The following NUTM2E variants were observed in gnomAD, a reference collection of about 807,000 sequenced individuals.
NUTM2E encodes family with sequence similarity 22, member E.
In NUTM2E, 3 loss-of-function variants were observed where a neutral mutation model predicts 26.1. The ratio of observed to expected loss-of-function variants is 0.12; its 90% CI spans 0.05 to 0.30. The LOEUF is 0.30. Ranked by LOEUF, NUTM2E falls within the 10% of genes least tolerant of loss-of-function variation. The pLI is 1.00. For missense variants in NUTM2E, 62 were observed against 381.3 expected (o/e 0.16, Z 6.97); for synonymous variants, 13 against 157.5 (o/e 0.08, Z 6.87).
At chr10:79,835,288 A>G (rs1432187305) in intron 1 of NUTM2E, among the ~76,000 whole-genome samples, 1 of 151,338 alleles carries the variant, frequency 6.6e-6, no homozygotes, top group Non-Finnish European at 1.5e-5. Flanking sequence ...TAGTCTCCTC[A>G]ATTATAAAAC....
At chr10:79,828,239 CTA>C (rs1461330893) in intron 1 of NUTM2E, among the ~76,000 whole-genome samples, 22 of 151,792 alleles carry the variant, frequency 1.4e-4, no homozygotes, top group African/African-American at 5.3e-4. Flanking sequence ...TTTCAGATGA[CTA>C]TGTGTGTGAA....
chr10:79,831,032 C>G (rs1841924398), intron 1 of NUTM2E, among the ~76,000 whole-genome samples: 1 of 151,706 alleles, frequency 6.6e-6, no homozygotes, highest in Non-Finnish European at 1.5e-5. Context: ...CTCTTTTGAC[C>G]TAGAGTTTTT....
intron 1 of NUTM2E, among the ~76,000 whole-genome samples, chr10:79,834,842 AC>A: frequency 1.3e-5 from 2 of 150,758 alleles, no homozygotes; most frequent in Admixed American, 6.6e-5. Flanking sequence ...ACACACACAC[AC>A]AAACACACAA....
Position 79,840,721 on chromosome 10 carries a change from C to T in NUTM2E, c.-1020C>T, listed in dbSNP as rs530630055. ...GAAAGGGCAAATGCTTCGTAAGTGC[C>T]GACAGGGTGTGTTTCAGTGAATGTT... On this transcript the variant is annotated 5_prime_UTR_variant, in exon 4 of 10. An upstream open reading frame in the 5' UTR gains an earlier in-frame stop. Coordinates refer to ENST00000429984, the MANE Select transcript of NUTM2E (RefSeq NM_001355263.2). 2.5e-4 allele frequency among the ~76,000 whole-genome samples: 38 copies of T among 150,780 alleles called. No homozygotes were observed. The highest frequency in any genetic ancestry group is 3.4e-4 in the Non-Finnish European group (23 of 67,688).
Position 79,826,757 on chromosome 10 carries a change from C to T in NUTM2E, c.-3328C>T, listed in dbSNP as rs1045087. 6.4e-6 allele frequency: 1 copy of T among 155,172 alleles called. No individual in the cohort carries two copies. The highest frequency in any genetic ancestry group is 1.9e-4 in the East Asian group (1 of 5,152). The allele number at this position is 155,172 out of a possible 1,614,324, so 9.6% of individuals were successfully genotyped here. A position where few individuals can be genotyped will look rare whatever the true frequency, so the allele number is the denominator to read the frequency against. On this transcript the variant is annotated 5_prime_UTR_variant, in exon 1 of 10. Transcript: ENST00000429984. Reference sequence around the variant, plus strand: ...AAGCCGCGAGAAGGCCAGCGTCCCTCGCTGGGAGCAGAGCTAGCCGAGTAG... The same window carrying T: ...AAGCCGCGAGAAGGCCAGCGTCCCTTGCTGGGAGCAGAGCTAGCCGAGTAG...
intron 1 of NUTM2E, among the ~76,000 whole-genome samples, chr10:79,834,137 C>T (rs1841945552): frequency 6.6e-6 from 1 of 151,352 alleles, no homozygotes; most frequent in South Asian, 2.1e-4. Flanking sequence ...CACATGTTCT[C>T]ACTCAGAAGT....
rs1312918151 is a variant in NUTM2E at position 79,845,337 on chromosome 10, C to G, written c.1082+465C>G. Among the ~76,000 whole-genome samples the G allele has an allele frequency of 4.4e-5, 5 of 113,802 alleles. 1 individual carries two copies. Among genetic ancestry groups the G allele is most frequent in the African/African-American group, 1.4e-4 (5 of 35,802 alleles). The allele number at this position is 113,802 out of a possible 152,430, so 74.7% of individuals were successfully genotyped here. ...TTCCGCTGAGGTCCAGTTAGCACAG[C>G]GGTGGTGGAGCCTGCACAGGGGGAT... On this transcript the variant is annotated intron_variant, in intron 5 of 9. Transcript: ENST00000429984.
Position 79,845,392 on chromosome 10 carries a change from C to T in NUTM2E, c.1082+520C>T, listed in dbSNP as rs1299248513. On this transcript the variant is annotated intron_variant, in intron 5 of 9. Coordinates refer to ENST00000429984, the MANE Select transcript of NUTM2E (RefSeq NM_001355263.2). Reference sequence around the variant, plus strand: ...TCGGGCCCTGCACTGGGGCCGATGCCGGGCAGGTATTTGCATCTTCACCCT... The same window carrying T: ...TCGGGCCCTGCACTGGGGCCGATGCTGGGCAGGTATTTGCATCTTCACCCT... Among the ~76,000 whole-genome samples, 5 of 112,862 alleles carry T rather than the reference C, an allele frequency of 4.4e-5. 1 individual carries two copies. Among genetic ancestry groups the T allele is most frequent in the South Asian group, 4.9e-4 (2 of 4,072 alleles). The allele number at this position is 112,862 out of a possible 152,430, so 74.0% of individuals were successfully genotyped here. A position where few individuals can be genotyped will look rare whatever the true frequency, so the allele number is the denominator to read the frequency against.
chr10:79,829,733 C>T (rs71475344), intron 1 of NUTM2E, among the ~76,000 whole-genome samples: 4,221 of 151,448 alleles, frequency 0.028, 129 homozygotes, highest in Non-Finnish European at 0.042. Flanking sequence ...AATCTGACAC[C>T]CTAGGTCTCA....
chr10:79,829,210 G>A (rs1375725664), intron 1 of NUTM2E, among the ~76,000 whole-genome samples: 1 of 151,700 alleles, frequency 6.6e-6, no homozygotes, highest in African/African-American at 2.4e-5. Context: ...TGGGACAGGG[G>A]TGATATACTA....
At position 79,830,713 on chromosome 10, in the gene NUTM2E, AAAG is replaced by A. The variant is rs896741141; in HGVS notation, c.-2728+3359_-2728+3361del. On this transcript the variant is annotated intron_variant, in intron 1 of 9. Coordinates refer to ENST00000429984, the MANE Select transcript of NUTM2E (RefSeq NM_001355263.2). ...TAATCAAATTAGCAAAATACAAAAA[AAAG>A]AACATTTCACATGAACATCTTAATT... Among the ~76,000 whole-genome samples the A allele has an allele frequency of 7.9e-5, 12 of 151,818 alleles. 1 individual carries two copies. The highest frequency in any genetic ancestry group is 1.9e-4 in the African/African-American group (8 of 41,398).
At chr10:79,830,716 G>A (rs1016164398) in intron 1 of NUTM2E, among the ~76,000 whole-genome samples, 3 of 151,488 alleles carry the variant, frequency 2.0e-5, no homozygotes, top group African/African-American at 7.3e-5. Flanking sequence ...ACAAAAAAAA[G>A]AACATTTCAC....
In NUTM2E at chr10:79,826,949, C is replaced by T. The variant is rs1439361380; in HGVS notation, c.-3136C>T. 7 of 149,114 alleles carry T rather than the reference C, an allele frequency of 4.7e-5. No homozygotes were observed. Among genetic ancestry groups the T allele is most frequent in the Non-Finnish European group, 1.0e-4 (7 of 67,034 alleles). 9.2% of individuals were successfully genotyped at this position (149,114 alleles called of 1,614,324 possible). A position where few individuals can be genotyped will look rare whatever the true frequency, so the allele number is the denominator to read the frequency against. ...CGGGTTGCTGCCGGGCACCGTCGAG[C>T]GTTAGCCACCCAGCATTGAGCTGCC... On this transcript the variant is annotated 5_prime_UTR_variant, in exon 1 of 10. Transcript: ENST00000429984.
At chr10:79,836,275 A>G (rs1267550379) in intron 1 of NUTM2E, among the ~76,000 whole-genome samples, 5 of 151,918 alleles carry the variant, frequency 3.3e-5, no homozygotes, top group African/African-American at 1.2e-4. Context: ...CTAGTCATCT[A>G]TATTCACTGA....
rs549526643 is a variant in NUTM2E at position 79,829,211 on chromosome 10, T to C, written c.-2728+1854T>C. ...CTAGGTCTTCGTTGTGGGACAGGGG[T>C]GATATACTACAGTTCCACAGGGGCT... On this transcript the variant is annotated intron_variant, in intron 1 of 9. Transcript: ENST00000429984. 4.9e-4 allele frequency among the ~76,000 whole-genome samples: 74 copies of C among 151,572 alleles called. 4 individuals are homozygous for C. In the East Asian group the frequency reaches 0.014, roughly 28 times the overall value.
chr10:79,832,615 A>G (rs1841934038), intron 1 of NUTM2E, among the ~76,000 whole-genome samples: 2 of 151,916 alleles, frequency 1.3e-5, no homozygotes, highest in Middle Eastern at 3.4e-3. Flanking sequence ...GAAATAAAGT[A>G]TATGGGGGCC....
At chr10:79,845,354 C>T (rs448087) in intron 5 of NUTM2E, among the ~76,000 whole-genome samples, 24 of 113,452 alleles carry the variant, frequency 2.1e-4, no homozygotes, top group Admixed American at 9.1e-4. Context: ...GGAGCCTGCA[C>T]AGGGGGATGG....
chr10:79,843,987 GC>G lies in NUTM2E; in HGVS notation c.383-184del, dbSNP rs1287054945. ...GGGTCAGGGAGTCTTGGTGACCGGG[GC>G]CAGGCTCTCTAGTGGAGCGACTCTC... On this transcript the variant is annotated intron_variant, in intron 4 of 9. Coordinates refer to ENST00000429984, the MANE Select transcript of NUTM2E (RefSeq NM_001355263.2). Among the ~76,000 whole-genome samples the G allele has an allele frequency of 3.8e-5, 5 of 132,102 alleles. No individual in the cohort carries two copies. In the South Asian group the frequency reaches 1.0e-3, roughly 28 times the overall value. 86.7% of individuals were successfully genotyped at this position (132,102 alleles called of 152,430 possible). A position where few individuals can be genotyped will look rare whatever the true frequency, so the allele number is the denominator to read the frequency against.
At chr10:79,837,380 T>A (rs758601801) in intron 1 of NUTM2E, among the ~76,000 whole-genome samples, 112 of 152,154 alleles carry the variant, frequency 7.4e-4, no homozygotes, top group Non-Finnish European at 1.2e-3. Flanking sequence ...ATAGGCTCCA[T>A]GACATTTCAA....
Sources: gnomAD v4.1 joint callset for allele counts (sites outside exome capture counted in the v4.1 genomes callset) on GRCh38, gnomAD v4.1.1 for gene constraint, MANE v1.5 for transcripts, NCBI Gene and HGNC (gene_info 2026-07-23, HGNC 2026-07-21) for gene names.